TAS2R1: variants seen among roughly 807,000 people sequenced by gnomAD.
TAS2R1 encodes taste receptor type 2 member 1.
For synonymous variants in TAS2R1, 141 were observed against 134.2 expected, an observed-to-expected ratio of 1.05 and a Z score of -0.35; for missense variants, 370 against 353.4, an observed-to-expected ratio of 1.05 and a Z score of -0.38.
intron 1 of TAS2R1, among the ~76,000 whole-genome samples, chr5:9,663,594 A>G (rs1244665817): frequency 1.3e-5 from 2 of 152,196 alleles, no homozygotes; most frequent in African/African-American, 4.8e-5. Context: ...AATTAGCTAT[A>G]CTGAGCTTGC....
intron 1 of TAS2R1, among the ~76,000 whole-genome samples, chr5:9,710,758 A>C (rs992235771): frequency 4.6e-5 from 7 of 151,714 alleles, no homozygotes; most frequent in Non-Finnish European, 7.4e-5. Context: ...CAAAGAATAC[A>C]TACAAATGGC....
the TAS2R1 span, among the ~76,000 whole-genome samples, chr5:9,812,320 G>T: frequency 7.9e-5 from 12 of 151,936 alleles, no homozygotes; most frequent in African/African-American, 2.9e-4. Context: ...ATATATGTAT[G>T]TATGTATGTA....
At chr5:9,698,903 A>G (rs188919285) in intron 1 of TAS2R1, among the ~76,000 whole-genome samples, 6 of 152,332 alleles carry the variant, frequency 3.9e-5, no homozygotes, top group Non-Finnish European at 5.9e-5. Context: ...AATCTTTCCC[A>G]ATATTTTATA....
the TAS2R1 span, among the ~76,000 whole-genome samples, chr5:9,851,734 C>T: frequency 1.3e-5 from 2 of 152,198 alleles, no homozygotes; most frequent in Admixed American, 6.5e-5. Context: ...CAATATGCTG[C>T]CCAGTACTGG....
intron 1 of TAS2R1, among the ~76,000 whole-genome samples, chr5:9,705,850 G>A (rs113190929): frequency 3.1e-4 from 46 of 148,366 alleles, no homozygotes; most frequent in African/African-American, 1.1e-3. Flanking sequence ...AGACAAGAGT[G>A]AAACTCCATC....
At chr5:9,720,828 G>T in the TAS2R1 span, among the ~76,000 whole-genome samples, 1 of 152,230 alleles carries the variant, frequency 6.6e-6, no homozygotes, top group Non-Finnish European at 1.5e-5. Context: ...AAGGTTTCCA[G>T]ATTTTCTTTC....
chr5:9,902,319 G>A, the TAS2R1 span, among the ~76,000 whole-genome samples: 1 of 152,150 alleles, frequency 6.6e-6, no homozygotes, highest in East Asian at 1.9e-4. Flanking sequence ...ATGTTACTGT[G>A]CTTTTGGTTC....
chr5:9,752,824 T>G, the TAS2R1 span, among the ~76,000 whole-genome samples: 4 of 152,136 alleles, frequency 2.6e-5, 1 homozygote, highest in Admixed American at 2.0e-4. Context: ...TTGTGATAGT[T>G]TGCTGAGACT....
intron 1 of TAS2R1, among the ~76,000 whole-genome samples, chr5:9,708,794 G>A (rs927713848): frequency 5.9e-5 from 9 of 152,196 alleles, no homozygotes; most frequent in South Asian, 2.1e-4. Context: ...TTAAACTCTC[G>A]ACATTTATTG....
At chr5:9,693,524 CAAA>C (rs35262775) in intron 1 of TAS2R1, among the ~76,000 whole-genome samples, 5 of 33,026 alleles carry the variant, frequency 1.5e-4, no homozygotes, top group African/African-American at 5.2e-4. Flanking sequence ...AACTCCATCT[CAAA>C]AAAAAAAAAA....
chr5:9,869,444 G>A, the TAS2R1 span, among the ~76,000 whole-genome samples: 3 of 152,060 alleles, frequency 2.0e-5, no homozygotes, highest in African/African-American at 7.3e-5. Context: ...ACTTTCATGA[G>A]AACAGCACAG....
At chr5:9,635,157 G>A (rs976531536), upstream of TAS2R1, among the ~76,000 whole-genome samples, 4 of 151,986 alleles carry the variant, frequency 2.6e-5, no homozygotes, top group South Asian at 8.3e-4. Context: ...AATCATAAAG[G>A]GATGCTGGAT....
chr5:9,785,814 C>G, the TAS2R1 span, among the ~76,000 whole-genome samples: 4 of 152,114 alleles, frequency 2.6e-5, no homozygotes, highest in Admixed American at 6.5e-5. Flanking sequence ...GAACTAACAA[C>G]CTCCCACACC....
In TAS2R1 at chr5:9,628,556, G is replaced by C. The variant is rs746344324; in HGVS notation, c.*577C>G. Among the ~76,000 whole-genome samples, 3 of 152,150 alleles carry C rather than the reference G, an allele frequency of 2.0e-5. No individual in the cohort carries two copies. Among genetic ancestry groups the C allele is most frequent in the Non-Finnish European group, 2.9e-5 (2 of 68,042 alleles). ...TTATAAGGATGGAGAAGGCCTGCTT[G>C]TCCTTGCTTCCTTTGTGATCTGAGG... On this transcript the variant is annotated 3_prime_UTR_variant, in exon 1 of 1. Transcript: ENST00000382492.
At chr5:9,812,199 A>G in the TAS2R1 span, among the ~76,000 whole-genome samples, 10 of 152,256 alleles carry the variant, frequency 6.6e-5, no homozygotes, top group Non-Finnish European at 1.3e-4. Flanking sequence ...ACTATACTAC[A>G]TCCCCAGTAC....
chr5:9,783,535 TA>T, the TAS2R1 span, among the ~76,000 whole-genome samples: 2 of 152,252 alleles, frequency 1.3e-5, no homozygotes, highest in Non-Finnish European at 2.9e-5. Context: ...TCCTTGAGTG[TA>T]AGCCCAGTTT....
At chr5:9,834,948 T>C in the TAS2R1 span, among the ~76,000 whole-genome samples, 1 of 152,192 alleles carries the variant, frequency 6.6e-6, no homozygotes, top group Non-Finnish European at 1.5e-5. Flanking sequence ...GTTTAAATGT[T>C]AGAAAGCATT....
At chr5:9,773,183 G>T in the TAS2R1 span, among the ~76,000 whole-genome samples, 1 of 151,554 alleles carries the variant, frequency 6.6e-6, no homozygotes, top group Non-Finnish European at 1.5e-5. Context: ...TCTGTCATAT[G>T]TTTTTTGATT....
At chr5:9,852,946 T>C in the TAS2R1 span, among the ~76,000 whole-genome samples, 1 of 152,232 alleles carries the variant, frequency 6.6e-6, no homozygotes, top group African/African-American at 2.4e-5. Context: ...CAAAGTTTTC[T>C]AGCTGAGCTA....
Sources: allele counts gnomAD v4.1 joint callset (sites outside exome capture counted in the v4.1 genomes callset), GRCh38; gene constraint gnomAD v4.1.1; transcripts MANE v1.5; gene names NCBI Gene and HGNC (gene_info 2026-07-23, HGNC 2026-07-21).